EFCAB6: variants seen among roughly 807,000 people sequenced by gnomAD.
EFCAB6 encodes the protein EF-hand calcium binding domain 6.
Under a neutral mutation model 169.8 loss-of-function variants are expected in EFCAB6, and 156 were observed. The ratio of observed to expected loss-of-function variants is 0.92; its 90% CI spans 0.81 to 1.05. The LOEUF is 1.05. EFCAB6 is among the 50% of genes least tolerant of loss of function. The probability of loss-of-function intolerance (pLI) is 0.00; values close to 1 mark genes in which losing one functional copy is unlikely to be tolerated. For synonymous variants in EFCAB6, 698 were observed against 676.4 expected, an observed-to-expected ratio of 1.03 and a Z score of -0.50; for missense variants, 1,800 against 1,829.1, an observed-to-expected ratio of 0.98 and a Z score of 0.29.
chr22:43,638,080 G>A (rs1259463156), intron 17 of EFCAB6, among the ~76,000 whole-genome samples: 2 of 152,122 alleles, frequency 1.3e-5, no homozygotes, highest in African/African-American at 4.8e-5. Context: ...ACGGAGCACC[G>A]GAGCACCGCA....
intron 23 of EFCAB6, among the ~76,000 whole-genome samples, chr22:43,590,875 G>C (rs1180858285): frequency 6.6e-6 from 1 of 152,158 alleles, no homozygotes; most frequent in African/African-American, 2.4e-5. Context: ...CCAGTGCCAA[G>C]GCCCTAAGGA....
intron 24 of EFCAB6, among the ~76,000 whole-genome samples, chr22:43,586,415 C>A (rs1273009325): frequency 8.1e-6 from 1 of 122,862 alleles, no homozygotes; most frequent in Non-Finnish European, 1.6e-5. Context: ...GTGGTGCAAT[C>A]ATAGCTCATT....
At chr22:43,544,282 A>G (rs977648209) in intron 27 of EFCAB6, among the ~76,000 whole-genome samples, 18 of 152,094 alleles carry the variant, frequency 1.2e-4, no homozygotes, top group African/African-American at 4.3e-4. Flanking sequence ...AATATACATT[A>G]TATCAAATTG....
intron 17 of EFCAB6, among the ~76,000 whole-genome samples, chr22:43,655,055 C>T (rs542201147): frequency 2.5e-4 from 38 of 152,140 alleles, no homozygotes; most frequent in Admixed American, 5.9e-4. Flanking sequence ...GTCAGGAGTT[C>T]GAGACCAGCC....
intron 3 of EFCAB6, among the ~76,000 whole-genome samples, chr22:43,773,630 C>T (rs2061549322): frequency 6.6e-6 from 1 of 152,104 alleles, no homozygotes; most frequent in Non-Finnish European, 1.5e-5. Flanking sequence ...GGCGGATCAC[C>T]TGAGGTCAGG....
intron 27 of EFCAB6, among the ~76,000 whole-genome samples, chr22:43,547,643 T>C (rs945004437): frequency 2.6e-5 from 4 of 151,746 alleles, no homozygotes; most frequent in Non-Finnish European, 5.9e-5. Context: ...CATGCATCTG[T>C]AGTCCCAGCT....
chr22:43,646,336 A>T (rs544659819), intron 17 of EFCAB6, among the ~76,000 whole-genome samples: 1 of 152,330 alleles, frequency 6.6e-6, no homozygotes, highest in South Asian at 2.1e-4. Flanking sequence ...ATGTAATGTA[A>T]GTCCAGTTAT....
chr22:43,544,647 T>C (rs1186026730), intron 27 of EFCAB6, among the ~76,000 whole-genome samples: 2 of 152,152 alleles, frequency 1.3e-5, no homozygotes, highest in African/African-American at 4.8e-5. Flanking sequence ...TGCCACGTTC[T>C]TGGACGTGGG....
At chr22:43,788,927 G>A (rs1389135817) in intron 2 of EFCAB6, among the ~76,000 whole-genome samples, 1 of 152,226 alleles carries the variant, frequency 6.6e-6, no homozygotes, top group Non-Finnish European at 1.5e-5. Flanking sequence ...CCAGATTCAT[G>A]CAGTAACATG....
Position 43,782,233 on chromosome 22 carries a change from G to C in EFCAB6, c.86C>G (p.Pro29Arg), listed in dbSNP as rs374463115. The change falls in exon 3 of 32, where the codon CCG becomes CGG. Residue 29 changes from proline (P) to arginine (R), a missense_variant. Pro to Arg is a moderately radical substitution (Grantham distance 103, BLOSUM62 -2). Coordinates refer to ENST00000262726, the MANE Select transcript of EFCAB6 (RefSeq NM_022785.4). ...ACCATTCCTTGAATATACTCTACAC[G>C]GTGAAGAATGGGGTCTTGAATGTGT... ...KFTHSRPHSS[P>R]CRVYSRNGSP... 4 of 1,613,840 alleles carry C rather than the reference G, an allele frequency of 2.5e-6. No individual in the cohort carries two copies. Among genetic ancestry groups the C allele is most frequent in the Non-Finnish European group, 3.4e-6 (4 of 1,179,878 alleles).
At chr22:43,737,529 CATCA>C (rs2060189487) in intron 6 of EFCAB6, among the ~76,000 whole-genome samples, 1 of 151,044 alleles carries the variant, frequency 6.6e-6, no homozygotes, top group Non-Finnish European at 1.5e-5. Context: ...GCACACACAC[CATCA>C]CTCACACACA....
Position 43,683,864 on chromosome 22 carries a change from G to A in EFCAB6, c.1143-9C>T, listed in dbSNP as rs768493591. The A allele has an allele frequency of 8.2e-6, 13 of 1,584,514 alleles. No homozygotes were observed. In the African/African-American group the frequency reaches 1.1e-4, roughly 13 times the overall value. ...CATTTCTAGAGTTGATGCTACAAGA[G>A]GATTAGGAGAAAAGCAGGAATAAGA... On this transcript the variant is annotated splice_polypyrimidine_tract_variant and intron_variant, in intron 11 of 31. Coordinates refer to ENST00000262726, the MANE Select transcript of EFCAB6 (RefSeq NM_022785.4).
At chr22:43,675,475 AATATG>A (rs1569363055) in intron 13 of EFCAB6, among the ~76,000 whole-genome samples, 14 of 140,212 alleles carry the variant, frequency 1.0e-4, no homozygotes, top group Admixed American at 2.2e-4. Flanking sequence ...TATATAATAT[AATATG>A]TAATATTATA....
chr22:43,784,880 T>A (rs1157773404), intron 2 of EFCAB6, among the ~76,000 whole-genome samples: 4 of 150,140 alleles, frequency 2.7e-5, no homozygotes, highest in South Asian at 2.1e-4. Flanking sequence ...TGTCTCTAAA[T>A]AAATTTTTTT....
chr22:43,676,068 G>A (rs1260626297), intron 13 of EFCAB6, among the ~76,000 whole-genome samples: 2 of 151,788 alleles, frequency 1.3e-5, no homozygotes, highest in African/African-American at 4.8e-5. Context: ...GGGGTGAGGG[G>A]GAAAGGCTCA....
At chr22:43,557,724 TAA>T (rs2048791824) in intron 26 of EFCAB6, among the ~76,000 whole-genome samples, 1 of 151,654 alleles carries the variant, frequency 6.6e-6, no homozygotes, top group African/African-American at 2.4e-5. Flanking sequence ...AAAGAAAAAA[TAA>T]AAGTCAGTCT....
At chr22:43,632,853 A>G (rs148579411) in intron 18 of EFCAB6, among the ~76,000 whole-genome samples, 76 of 152,232 alleles carry the variant, frequency 5.0e-4, no homozygotes, top group African/African-American at 1.8e-3. Flanking sequence ...TCATCTCCCA[A>G]TTCCCAGAGG....
At chr22:43,665,756 G>A (rs1035515739) in intron 17 of EFCAB6, among the ~76,000 whole-genome samples, 2 of 152,160 alleles carry the variant, frequency 1.3e-5, no homozygotes, top group Non-Finnish European at 2.9e-5. Context: ...AGAAATCTGG[G>A]AATGACTTAA....
chr22:43,654,661 C>T (rs980842271), intron 17 of EFCAB6, among the ~76,000 whole-genome samples: 11 of 152,228 alleles, frequency 7.2e-5, no homozygotes, highest in Non-Finnish European at 2.9e-5. Context: ...GAAACTCTCA[C>T]AGCCAAGGGG....
Sources: allele counts gnomAD v4.1 joint callset (sites outside exome capture counted in the v4.1 genomes callset), GRCh38; gene constraint gnomAD v4.1.1; transcripts MANE v1.5; gene names NCBI Gene and HGNC (gene_info 2026-07-23, HGNC 2026-07-21).